The following SLC41A3 variants were observed in gnomAD, a reference collection of about 807,000 sequenced individuals.
SLC41A3 encodes the protein SLC41A1-like 2.
SLC41A3 carries 44 observed loss-of-function variants against 45.4 expected under a neutral mutation model. That is an observed-to-expected ratio of 0.97 (90% CI 0.76 to 1.25). The LOEUF is 1.25. SLC41A3 is among the 50% of genes most tolerant of loss of function. The pLI, the probability that SLC41A3 is intolerant of heterozygous loss-of-function variation, is 0.00. For synonymous variants in SLC41A3, 256 were observed against 252.4 expected (o/e 1.01, Z -0.13); for missense variants, 550 against 600.6 (o/e 0.92, Z 0.88).
chr3:126,051,193 A>C (rs1434622571), intron 2 of SLC41A3, 143 bp from the exon 3 acceptor site: 63 of 1,011,768 alleles, frequency 6.2e-5, no homozygotes, highest in Non-Finnish European at 8.2e-5. Context: ...AATGGCTTTA[A>C]ACTAAACAGA....
intron 1 of SLC41A3, among the ~76,000 whole-genome samples, chr3:126,098,666 C>A (rs575331228): frequency 6.6e-6 from 1 of 152,374 alleles, no homozygotes; most frequent in Non-Finnish European, 1.5e-5. Context: ...GCAGGCCTGG[C>A]CCTGCCCACA....
chr3:126,078,065 GCAGGGGCCCAATGC>G (rs1944964777), intron 1 of SLC41A3, among the ~76,000 whole-genome samples: 1 of 152,160 alleles, frequency 6.6e-6, no homozygotes, highest in Non-Finnish European at 1.5e-5. Context: ...TGAAGGACCT[GCAGGGGCCCAATGC>G]CAGGGGCAGA....
At chr3:126,019,322 C>T (rs1377248516) in intron 6 of SLC41A3, among the ~76,000 whole-genome samples, 1 of 152,160 alleles carries the variant, frequency 6.6e-6, no homozygotes, top group African/African-American at 2.4e-5. Flanking sequence ...GCCCTTATGA[C>T]CCAATCACCT....
In SLC41A3 at chr3:126,007,132, C is replaced by G. The variant is rs1196100123; in HGVS notation, c.1348G>C (p.Gly450Arg). ...CCAGTACCGAGCAGGTCCCCCAGCC[C>G]TGTAAGGTAGGGGATGCAGTGGTTG... ...PDNHCIPYLT[G>R]LGDLLGTGLL... Residue 450 changes from glycine (G) to arginine (R), a missense_variant, in exon 11 of 11, where the codon GGG becomes CGG. Transcript: ENST00000360370. 6.2e-7 allele frequency: 1 copy of G among 1,614,208 alleles called. No homozygotes were observed. The highest frequency in any genetic ancestry group is 8.5e-7 in the Non-Finnish European group (1 of 1,180,040).
chr3:126,008,599 TG>T, intron 10 of SLC41A3, 132 bp downstream of exon 10: 1 of 1,269,008 alleles, frequency 7.9e-7, no homozygotes, highest in East Asian at 2.5e-5. Flanking sequence ...ACTCAACTCC[TG>T]GAAGATAAGG....
chr3:126,087,410 G>T (rs1375082807), upstream of SLC41A3, among the ~76,000 whole-genome samples: 1 of 151,978 alleles, frequency 6.6e-6, no homozygotes, highest in Non-Finnish European at 1.5e-5. Context: ...GTAAACAAAC[G>T]TCATATAATT....
Position 126,027,429 on chromosome 3 carries a change from A to G in SLC41A3, c.454-950T>C, listed in dbSNP as rs562297775. 1.5e-3 allele frequency among the ~76,000 whole-genome samples: 221 copies of G among 152,152 alleles called. 4 individuals carry two copies. The highest frequency in any genetic ancestry group is 5.2e-3 in the African/African-American group (215 of 41,504). ...CTTGTAAGTTTCCTGGGGCTTTTCCACAAGCTAAGCAGATGCCAGCATCAT... is the reference window on the plus strand; with the variant it reads ...CTTGTAAGTTTCCTGGGGCTTTTCCGCAAGCTAAGCAGATGCCAGCATCAT... On this transcript the variant is annotated intron_variant, in intron 4 of 10. Coordinates refer to ENST00000360370, the MANE Select transcript of SLC41A3 (RefSeq NM_017836.4).
chr3:126,074,361 C>T (rs533498754), intron 1 of SLC41A3, among the ~76,000 whole-genome samples: 1 of 151,990 alleles, frequency 6.6e-6, no homozygotes, highest in South Asian at 2.1e-4. Flanking sequence ...TGAAAGTTTT[C>T]CCACTAAGAT....
intron 1 of SLC41A3, among the ~76,000 whole-genome samples, chr3:126,096,824 CTGTGTG>C (rs1945612466): frequency 6.6e-6 from 1 of 152,188 alleles, no homozygotes; most frequent in Admixed American, 6.5e-5. Flanking sequence ...CTCTGTATTT[CTGTGTG>C]TGTGTAATTC....
intron 3 of SLC41A3, among the ~76,000 whole-genome samples, chr3:126,046,467 G>A (rs539073177): frequency 6.6e-6 from 1 of 151,410 alleles, no homozygotes; most frequent in Non-Finnish European, 1.5e-5. Flanking sequence ...CAATAACAAT[G>A]AATAATTCAA....
At chr3:126,040,206 A>G (rs1942492092) in intron 3 of SLC41A3, among the ~76,000 whole-genome samples, 1 of 152,230 alleles carries the variant, frequency 6.6e-6, no homozygotes, top group African/African-American at 2.4e-5. Flanking sequence ...GCATCTATAC[A>G]TGTCATAAAT....
At chr3:126,097,529 G>T (rs1054801679) in intron 1 of SLC41A3, among the ~76,000 whole-genome samples, 1 of 152,142 alleles carries the variant, frequency 6.6e-6, no homozygotes, top group Non-Finnish European at 1.5e-5. Context: ...CATTCAATTG[G>T]TTGGGAGACT....
chr3:126,042,396 T>A (rs1325363225), intron 3 of SLC41A3, among the ~76,000 whole-genome samples: 3 of 151,980 alleles, frequency 2.0e-5, no homozygotes, highest in Admixed American at 2.0e-4. Flanking sequence ...ACCTTAAGCC[T>A]TCATGCCAGA....
intron 3 of SLC41A3, among the ~76,000 whole-genome samples, chr3:126,043,813 C>CA (rs869242359): frequency 1.4e-5 from 2 of 141,088 alleles, no homozygotes; most frequent in East Asian, 4.1e-4. Flanking sequence ...CAAAAAAAAA[C>CA]AAAAAAACAA....
intron 1 of SLC41A3, among the ~76,000 whole-genome samples, chr3:126,083,606 G>C (rs1945276584): frequency 6.6e-6 from 1 of 152,042 alleles, no homozygotes; most frequent in African/African-American, 2.4e-5. Flanking sequence ...CTGAGGCAGC[G>C]AGGGGTCCCT....
intron 1 of SLC41A3, among the ~76,000 whole-genome samples, chr3:126,081,543 A>C (rs1324536628): frequency 6.6e-6 from 1 of 152,280 alleles, no homozygotes; most frequent in Admixed American, 6.5e-5. Flanking sequence ...ATGGATGTCT[A>C]TATTGCACTG....
At chr3:126,043,559 T>C (rs6438961) in intron 3 of SLC41A3, among the ~76,000 whole-genome samples, 107,260 of 151,838 alleles carry the variant, frequency 0.71, 38,083 homozygotes, top group East Asian at 0.82. Flanking sequence ...CACAAAAGCA[T>C]AAAAATATAT....
chr3:126,083,391 T>C (rs1945261363), intron 1 of SLC41A3, among the ~76,000 whole-genome samples: 1 of 152,066 alleles, frequency 6.6e-6, no homozygotes, highest in Non-Finnish European at 1.5e-5. Flanking sequence ...TGGAAAAAAC[T>C]GGAAGAAAGA....
At position 126,098,925 on chromosome 3, in the gene SLC41A3, CT is replaced by C. The variant is rs57262035; in HGVS notation, c.-79+2503del. The stretch of plus-strand genomic sequence containing the variant: ...TCCAGGAGGGATGGACATGACCTGG[CT>C]TTTTTTTTTTTTTTTTTTTTTGTAT... On this transcript the variant is annotated intron_variant, in intron 1 of 9. Coordinates refer to the SLC41A3 transcript ENST00000508835. Among the ~76,000 whole-genome samples, 195 of 109,616 alleles carry C rather than the reference CT, an allele frequency of 1.8e-3. 1 individual carries two copies. The highest frequency in any genetic ancestry group is 4.9e-3 in the Middle Eastern group (1 of 204). The allele number at this position is 109,616 out of a possible 152,430, so 71.9% of individuals were successfully genotyped here.
Sources: allele counts gnomAD v4.1 joint callset (sites outside exome capture counted in the v4.1 genomes callset), GRCh38; gene constraint gnomAD v4.1.1; transcripts MANE v1.5; gene names NCBI Gene and HGNC (gene_info 2026-07-23, HGNC 2026-07-21).